APELA: variants seen among roughly 807,000 people sequenced by gnomAD.
The protein encoded by APELA is protein Elabela.
chr4:164,885,777 C>T (rs1328907613), intron 2 of APELA, among the ~76,000 whole-genome samples: 1 of 151,890 alleles, frequency 6.6e-6, no homozygotes, highest in Non-Finnish European at 1.5e-5. Context: ...AGCTTTTATT[C>T]ATTATCTTTC....
chr4:164,898,502 C>CAA (rs371909619), downstream of APELA, among the ~76,000 whole-genome samples: 4 of 89,570 alleles, frequency 4.5e-5, no homozygotes, highest in Non-Finnish European at 1.0e-4. Flanking sequence ...AACTCTGCCT[C>CAA]AAAAAAAAAA....
chr4:164,891,118 T>C (rs569666998), intron 2 of APELA, among the ~76,000 whole-genome samples: 2 of 152,194 alleles, frequency 1.3e-5, no homozygotes, highest in South Asian at 2.1e-4. Flanking sequence ...TGTGTGTGTA[T>C]ATATTCTGAA....
chr4:164,885,571 T>TCTCTA (rs1019905367), intron 2 of APELA, among the ~76,000 whole-genome samples: 4 of 151,980 alleles, frequency 2.6e-5, no homozygotes, highest in African/African-American at 9.7e-5. Context: ...TGAAATGCCA[T>TCTCTA]CTCTACTGAA....
At chr4:164,883,756 G>A (rs1482592085) in intron 2 of APELA, among the ~76,000 whole-genome samples, 1 of 151,674 alleles carries the variant, frequency 6.6e-6, no homozygotes, top group African/African-American at 2.4e-5. Context: ...AAAGTGCTGG[G>A]ATTACAGGCA....
downstream of APELA, chr4:164,897,552 A>C (rs1335541791): frequency 6.6e-6 from 1 of 152,246 alleles, no homozygotes; most frequent in Non-Finnish European, 1.5e-5. Context: ...TACTTTGTAT[A>C]AGAAATGTTC....
chr4:164,894,668 G>T (rs1323398811), intron 2 of APELA, among the ~76,000 whole-genome samples: 2 of 152,134 alleles, frequency 1.3e-5, no homozygotes, highest in African/African-American at 4.8e-5. Context: ...GCTTCCCAAA[G>T]TGCCAGGATT....
intron 2 of APELA, 51 bp downstream of exon 2, chr4:164,879,060 A>C (rs950237031): frequency 5.0e-6 from 2 of 398,850 alleles, no homozygotes; most frequent in South Asian, 2.5e-4. Context: ...GTTCCAAATT[A>C]GATATACCAG....
chr4:164,897,952 G>A (rs904998675), downstream of APELA, among the ~76,000 whole-genome samples: 20 of 152,240 alleles, frequency 1.3e-4, no homozygotes, highest in Admixed American at 2.6e-4. Context: ...GCTCAGTGGC[G>A]TGCTTCCAGC....
chr4:164,898,227 C>T (rs1006143316), downstream of APELA, among the ~76,000 whole-genome samples: 20 of 150,088 alleles, frequency 1.3e-4, no homozygotes, highest in Non-Finnish European at 3.0e-4. Context: ...TGTGGCCGGG[C>T]GTGGTGGCTC....
Position 164,878,538 on chromosome 4 carries a change from T to C in APELA, c.77-382T>C, listed in dbSNP as rs566566789. On this transcript the variant is annotated intron_variant, in intron 1 of 2. Transcript: ENST00000507152. ...CAGCAGTCACTATTCAAACCATTTATACTTTTCAGAAATACACAGTAGCTT... is the reference window on the plus strand; with the variant it reads ...CAGCAGTCACTATTCAAACCATTTACACTTTTCAGAAATACACAGTAGCTT... 1.1e-4 allele frequency among the ~76,000 whole-genome samples: 17 copies of C among 152,370 alleles called. No individual in the cohort carries two copies. In the South Asian group the frequency reaches 3.3e-3, roughly 30 times the overall value.
At chr4:164,881,899 C>A (rs1168574822) in intron 2 of APELA, among the ~76,000 whole-genome samples, 2 of 150,536 alleles carry the variant, frequency 1.3e-5, no homozygotes, top group Non-Finnish European at 3.0e-5. Context: ...GTTAGCCAGG[C>A]ATGGTGGCGT....
chr4:164,898,132 T>C (rs1731012638), downstream of APELA, among the ~76,000 whole-genome samples: 1 of 151,798 alleles, frequency 6.6e-6, no homozygotes, highest in Non-Finnish European at 1.5e-5. Context: ...CTCAAGTGAT[T>C]TGCCAGCCTC....
Position 164,879,654 on chromosome 4 carries a change from A to G in APELA, c.*1+645A>G, listed in dbSNP as rs552409872. On this transcript the variant is annotated intron_variant, in intron 2 of 2. Coordinates refer to ENST00000507152, the MANE Select transcript of APELA (RefSeq NM_001297550.2). ...GAGATGAGGGTTCCCCATTTTGCGC[A>G]GGCTGGTCTCGAACTCCTAGCCTCA... Among the ~76,000 whole-genome samples, 16 of 152,318 alleles carry G rather than the reference A, an allele frequency of 1.1e-4. No individual in the cohort carries two copies. The South Asian group carries it at 3.1e-3, about 30-fold the overall frequency.
rs1730997288 is a variant in APELA at position 164,897,337 on chromosome 4, GGTTTGTA to G, written c.*1924_*1930del. The G allele has an allele frequency of 6.6e-6, 1 of 152,084 alleles. No homozygotes were observed. The highest frequency in any genetic ancestry group is 2.4e-5 in the African/African-American group (1 of 41,410). 9.4% of individuals were successfully genotyped at this position (152,084 alleles called of 1,614,324 possible). A position where few individuals can be genotyped will look rare whatever the true frequency, so the allele number is the denominator to read the frequency against. ...TATATTTATGTTTAAAACATGTACT[GGTTTGTA>G]TATTTTGTACTGAAAAAGAAAACAC... On this transcript the variant is annotated 3_prime_UTR_variant, in exon 3 of 3. Transcript: ENST00000507152.
intron 2 of APELA, among the ~76,000 whole-genome samples, chr4:164,887,663 T>G (rs771737362): frequency 2.6e-5 from 4 of 151,964 alleles, no homozygotes; most frequent in South Asian, 4.2e-4. Flanking sequence ...CCAGGCTGGA[T>G]TGCAATGGTT....
chr4:164,899,003 C>G (rs746740048), downstream of APELA: 17 of 152,034 alleles, frequency 1.1e-4, no homozygotes, highest in Non-Finnish European at 2.4e-4. Flanking sequence ...TAGATAAACA[C>G]AGGATATCAG....
intron 2 of APELA, among the ~76,000 whole-genome samples, chr4:164,882,126 G>A (rs2111052000): frequency 6.6e-6 from 1 of 151,878 alleles, no homozygotes; most frequent in African/African-American, 2.4e-5. Context: ...TTTTGAGACA[G>A]AGTTTTCACT....
intron 2 of APELA, among the ~76,000 whole-genome samples, chr4:164,891,330 C>T (rs1449206313): frequency 6.6e-6 from 1 of 152,066 alleles, no homozygotes; most frequent in East Asian, 1.9e-4. Context: ...TCTACTTTGT[C>T]AATTTCTGCA....
At chr4:164,881,888 A>T (rs961629523) in intron 2 of APELA, among the ~76,000 whole-genome samples, 3 of 140,228 alleles carry the variant, frequency 2.1e-5, no homozygotes, top group Non-Finnish European at 3.1e-5. Flanking sequence ...AAAAAAAAAA[A>T]GTTAGCCAGG....
Sources: allele counts gnomAD v4.1 joint callset (sites outside exome capture counted in the v4.1 genomes callset), GRCh38; gene constraint gnomAD v4.1.1; transcripts MANE v1.5; gene names NCBI Gene and HGNC (gene_info 2026-07-23, HGNC 2026-07-21).